ITIH1: variants seen among roughly 807,000 people sequenced by gnomAD.
ITIH1 encodes the protein inter-alpha-trypsin inhibitor heavy chain 1, also known as inter-alpha-trypsin inhibitor heavy chain H1.
In ITIH1, 94 loss-of-function variants were observed where a neutral mutation model predicts 104.6. That is an observed-to-expected ratio of 0.90 (90% CI 0.76 to 1.07). The LOEUF (loss-of-function observed/expected upper bound fraction) is 1.07, where lower values mean the gene tolerates loss of function less well. ITIH1 is among the 50% of genes least tolerant of loss of function. The pLI is 0.00. For synonymous variants in ITIH1, 455 were observed against 464.4 expected, an observed-to-expected ratio of 0.98 and a Z score of 0.26; for missense variants, 1,193 against 1,181.4, an observed-to-expected ratio of 1.01 and a Z score of -0.14.
At chr3:52,781,840 C>A in intron 6 of ITIH1, 100 bp from the exon 7 acceptor site, 2 of 609,120 alleles carry the variant, frequency 3.3e-6, no homozygotes, top group Non-Finnish European at 4.7e-6. Flanking sequence ...TCCGTGCAAA[C>A]ACACACACAC....
rs778525039 is a variant in ITIH1 at position 52,777,663 on chromosome 3, G to C, written c.48G>C (p.Leu16=). The part of the protein sequence containing the change: ...GPRGLLLCMY[L]VSLLILQAMP... The stretch of plus-strand genomic sequence containing the variant: ...GGGGGCTGCTGTTGTGCATGTACCT[G>C]GTATCTCTCCTCATCCTGCAGGCCA... The change falls in exon 1 of 22, where the codon CTG becomes CTC. Residue 16 remains leucine (L), a synonymous_variant. Coordinates refer to ENST00000273283, the MANE Select transcript of ITIH1 (RefSeq NM_002215.4). 1.2e-6 allele frequency: 2 copies of C among 1,605,454 alleles called. No homozygotes were observed. Among genetic ancestry groups the C allele is most frequent in the Non-Finnish European group, 1.7e-6 (2 of 1,176,338 alleles).
In ITIH1 at chr3:52,787,258, C is replaced by T. The variant is rs1699227604; in HGVS notation, c.1903+56C>T. The T allele has an allele frequency of 3.1e-6, 5 of 1,607,892 alleles. No individual in the cohort carries two copies. In the South Asian group the frequency reaches 5.5e-5, roughly 18 times the overall value. ...TGGGCTTCGGTAGCTGGGCAGGTGG[C>T]AGGTGCTCCAGCCCCAGGCTCGCAG... On this transcript the variant is annotated intron_variant, in intron 15 of 21. Coordinates refer to ENST00000273283, the MANE Select transcript of ITIH1 (RefSeq NM_002215.4).
At chr3:52,784,756 T>C (rs971446802) in intron 11 of ITIH1, among the ~76,000 whole-genome samples, 2 of 151,906 alleles carry the variant, frequency 1.3e-5, no homozygotes, top group South Asian at 4.2e-4. Context: ...ATGCCTGTAA[T>C]CTCAGCTACC....
chr3:52,790,174 C>G, intron 19 of ITIH1: 1 of 427,840 alleles, frequency 2.3e-6, no homozygotes, highest in South Asian at 2.8e-5. Flanking sequence ...CCCTCCTGCT[C>G]TCTTCCTCTG....
chr3:52,790,890 T>C lies in ITIH1; in HGVS notation c.2463T>C (p.His821=). 6.2e-7 allele frequency: 1 copy of C among 1,607,732 alleles called. No individual in the cohort carries two copies. The highest frequency in any genetic ancestry group is 1.7e-4 in the Middle Eastern group (1 of 6,016). ...TGGGCTTCTATGTGCTGGACAGTCA[T>C]CGGATGTCAGCCCGGACGCACGGGC... ...DFLGFYVLDS[H]RMSARTHGLL... is the part of the protein sequence containing the mutation. Residue 821 remains histidine (H), a synonymous_variant, in exon 20 of 22, where the codon CAT becomes CAC. Coordinates refer to ENST00000273283, the MANE Select transcript of ITIH1 (RefSeq NM_002215.4).
intron 6 of ITIH1, 134 bp downstream of exon 6, chr3:52,780,516 G>C (rs1167486865): frequency 4.7e-6 from 3 of 632,502 alleles, no homozygotes; most frequent in Non-Finnish European, 8.4e-6. Context: ...AGAGAAGCTG[G>C]TGTCATGTGA....
chr3:52,781,198 TTTTTTTTTTTTTCTTC>T (rs1475078608), intron 6 of ITIH1, among the ~76,000 whole-genome samples: 5 of 43,854 alleles, frequency 1.1e-4, no homozygotes, highest in Non-Finnish European at 1.6e-4. Context: ...CCTCCTCTTC[TTTTTTTTTTTTTCTTC>T]TTCTTCTTCT....
Position 52,783,329 on chromosome 3 carries a change from TC to T in ITIH1, c.1218del (p.Thr407GlnfsTer4). 6.2e-7 allele frequency: 1 copy of T among 1,613,970 alleles called. No homozygotes were observed. Among genetic ancestry groups the T allele is most frequent in the Non-Finnish European group, 8.5e-7 (1 of 1,180,010 alleles). On this transcript the variant is annotated frameshift_variant, in exon 10 of 22. Transcript: ENST00000273283. LOFTEE classifies it high-confidence loss of function. ...TACTCATCATGTTGACAGATGGCGA[TC>T]CCACAGAGGGTAAGCACCTTGGGGG... The part of the protein sequence containing the change: ...SILIMLTDGD[P>X]TEGVTDRSQI...
In ITIH1 at chr3:52,790,903, C is replaced by T. The variant is rs201776145; in HGVS notation, c.2476C>T (p.Arg826Trp). The change falls in exon 20 of 22, where the codon CGG (arginine) becomes TGG (tryptophan). Residue 826 changes from arginine to tryptophan, a missense_variant. Transcript: ENST00000273283. Reference sequence around the variant, plus strand: ...GCTGGACAGTCATCGGATGTCAGCCCGGACGCACGGGCTGCTGGGTACGGC... The same window carrying T: ...GCTGGACAGTCATCGGATGTCAGCCTGGACGCACGGGCTGCTGGGTACGGC... ...YVLDSHRMSA[R>W]THGLLGQFFH... 15 of 1,603,404 alleles carry T rather than the reference C, an allele frequency of 9.4e-6. No individual in the cohort carries two copies. Among genetic ancestry groups the T allele is most frequent in the African/African-American group, 4.0e-5 (3 of 74,288 alleles).
At chr3:52,783,156 G>A (rs1238387025) in intron 9 of ITIH1, 31 bp downstream of exon 9, 2 of 1,613,872 alleles carry the variant, frequency 1.2e-6, no homozygotes, top group South Asian at 1.1e-5. Flanking sequence ...CAACCTTGAT[G>A]TCACCTCTGT....
chr3:52,791,653 G>A (rs1699359489), intron 21 of ITIH1, 25 bp downstream of exon 21: 4 of 1,611,160 alleles, frequency 2.5e-6, no homozygotes, highest in Admixed American at 1.7e-5. Context: ...TGCCCAGCAC[G>A]TCTGCCCTCG....
At chr3:52,787,824 C>T (rs979291176) in intron 16 of ITIH1, 162 bp from the exon 17 acceptor site, 24 of 914,646 alleles carry the variant, frequency 2.6e-5, no homozygotes, top group Middle Eastern at 2.2e-4. Context: ...CTTCTGTCCC[C>T]GTGTCCCGGG....
Position 52,788,138 on chromosome 3 carries a change from G to A in ITIH1, c.2005+72G>A, listed in dbSNP as rs967002843. ...CCTATCTGGCTGTCTCTCTCTCTCT[G>A]TCTCTCTCTGGGACCTGCCTAGCTG... On this transcript the variant is annotated intron_variant, in intron 17 of 21. Coordinates refer to ENST00000273283, the MANE Select transcript of ITIH1 (RefSeq NM_002215.4). 10 of 1,506,136 alleles carry A rather than the reference G, an allele frequency of 6.6e-6. No homozygotes were observed. In the African/African-American group the frequency reaches 1.2e-4, roughly 19 times the overall value. The allele number at this position is 1,506,136 out of a possible 1,614,324, so 93.3% of individuals were successfully genotyped here.
chr3:52,784,791 C>T (rs1299421899), intron 11 of ITIH1, among the ~76,000 whole-genome samples: 1 of 151,458 alleles, frequency 6.6e-6, no homozygotes, highest in Non-Finnish European at 1.5e-5. Context: ...AGGAGAATCA[C>T]TTGAGCCCAG....
intron 15 of ITIH1, among the ~76,000 whole-genome samples, 189 bp downstream of exon 15, chr3:52,787,391 G>A (rs564302425): frequency 1.1e-4 from 16 of 152,220 alleles, no homozygotes; most frequent in African/African-American, 3.9e-4. Context: ...GTGAGCTTTT[G>A]TGCAGGCTGA....
rs1443169372 is a variant in ITIH1 at position 52,789,745 on chromosome 3, C to T, written c.2212C>T (p.Pro738Ser). 1.2e-6 allele frequency: 2 copies of T among 1,614,234 alleles called. No individual in the cohort carries two copies. Among genetic ancestry groups the T allele is most frequent in the Non-Finnish European group, 8.5e-7 (1 of 1,180,034 alleles). ...TYFGRLGIAN[P>S]ATDFQLEVTP... ...CTTCGGGCGGCTGGGAATCGCAAAC[C>T]CTGCCACGGACTTTCAGTTGGAAGT... is the stretch of plus-strand genomic sequence containing the variant. The change falls in exon 19 of 22, where the codon CCT becomes TCT. Residue 738 changes from proline (P) to serine (S), a missense_variant. Physicochemically the swap from Pro to Ser is moderately conservative, Grantham distance 74. Transcript: ENST00000273283.
chr3:52,779,573 G>C lies in ITIH1; in HGVS notation c.552G>C (p.Lys184Asn), dbSNP rs1168876090. The C allele has an allele frequency of 6.2e-6, 10 of 1,614,072 alleles. No homozygotes were observed. In the Admixed American group the frequency reaches 1.7e-4, roughly 27 times the overall value. The change falls in exon 5 of 22, where the codon AAG becomes AAC. Residue 184 changes from lysine (K) to asparagine (N), a missense_variant. Coordinates refer to ENST00000273283, the MANE Select transcript of ITIH1 (RefSeq NM_002215.4). The surrounding 1 kb of genome is among the most constrained non-coding windows in gnomAD (Gnocchi z 4.4). ...AAATTGTCATCAAAGTCAAGCCCAA[G>C]CAGCTGGTGCATCATTTTGAGGTAG... ...QYEIVIKVKP[K>N]QLVHHFEIDV...
In ITIH1 at chr3:52,779,728, A is replaced by G; in HGVS notation, c.573+134A>G. ...GGATGGGGACTAACCCCTCAGGGTG[A>G]GCTCTGATGTGCTCTTCTTGGGCAG... On this transcript the variant is annotated intron_variant, in intron 5 of 21. Transcript: ENST00000273283. The surrounding 1 kb of genome is among the most constrained non-coding windows in gnomAD (Gnocchi z 4.4). 8.7e-7 allele frequency: 1 copy of G among 1,146,444 alleles called. No homozygotes were observed. The highest frequency in any genetic ancestry group is 1.3e-6 in the Non-Finnish European group (1 of 771,920). 71.0% of individuals were successfully genotyped at this position (1,146,444 alleles called of 1,614,324 possible). A position where few individuals can be genotyped will look rare whatever the true frequency, so the allele number is the denominator to read the frequency against.
In ITIH1 at chr3:52,783,131, G is replaced by A; in HGVS notation, c.1099+6G>A. The A allele has an allele frequency of 6.2e-7, 1 of 1,612,950 alleles. No homozygotes were observed. The highest frequency in any genetic ancestry group is 8.5e-7 in the Non-Finnish European group (1 of 1,179,284). ...GGGCTTTTCCCTGGATGAGGGTAAG[G>A]GTGGGGGTCTCAGGCAACCTTGATG... On this transcript the variant is annotated splice_donor_region_variant and intron_variant, in intron 9 of 21. Transcript: ENST00000273283.
Sources: gnomAD v4.1 joint callset for allele counts (sites outside exome capture counted in the v4.1 genomes callset) on GRCh38, gnomAD v4.1.1 for gene constraint, Gnocchi (gnomAD v3.1) non-coding constraint, MANE v1.5 for transcripts, NCBI Gene and HGNC (gene_info 2026-07-23, HGNC 2026-07-21) for gene names.